NRAP: variants seen among roughly 807,000 people sequenced by gnomAD.
NRAP encodes the protein nebulin related anchoring protein.
NRAP carries 189 observed loss-of-function variants against 225.9 expected under a neutral mutation model. The observed-to-expected ratio is 0.84, with a 90% CI of 0.74 to 0.94. The LOEUF (loss-of-function observed/expected upper bound fraction) is 0.94, where lower values mean the gene tolerates loss of function less well. Among genes scored for constraint, NRAP ranks in the 40% least tolerant of loss-of-function variants. NRAP has a pLI of 0.00. For synonymous variants in NRAP, 769 were observed against 790.7 expected (o/e 0.97, Z 0.46); for missense variants, 2,176 against 2,168.7 (o/e 1.00, Z -0.07).
Position 113,597,199 on chromosome 10 carries a change from C to A in NRAP, c.4333-15G>T, listed in dbSNP as rs940565397. The stretch of plus-strand genomic sequence containing the variant: ...CGGTACTTGGTCTATAAGATAAAGA[C>A]AAAGATTCTCATGAAACACAGTCCA... On this transcript the variant is annotated splice_polypyrimidine_tract_variant and intron_variant, in intron 36 of 41. Transcript: ENST00000359988. The A allele has an allele frequency of 6.6e-7, 1 of 1,511,946 alleles. No individual in the cohort carries two copies. The highest frequency in any genetic ancestry group is 1.4e-5 in the African/African-American group (1 of 72,882). The allele number at this position is 1,511,946 out of a possible 1,614,324, so 93.7% of individuals were successfully genotyped here.
chr10:113,606,209 C>A lies in NRAP; in HGVS notation c.3776G>T (p.Arg1259Leu), dbSNP rs879000889. ...TMTLGLPEFIRAKTNAANLSD... is the reference protein window; with the variant it reads ...TMTLGLPEFILAKTNAANLSD... ...CAGGTTGGCTGCATTCGTTTTTGCT[C>A]GGATGAACTCGGGCAGACCCAGGGT... The change falls in exon 33 of 42, where the codon CGA becomes CTA. Residue 1259 changes from arginine to leucine, a missense_variant. Around this residue, in one of 3 missense-constraint regions of NRAP, gnomAD observed 1,708 missense variants for 1,695.5 expected, o/e 1.01. Transcript: ENST00000359988. The A allele has an allele frequency of 6.2e-7, 1 of 1,614,032 alleles. No individual in the cohort carries two copies. Among genetic ancestry groups the A allele is most frequent in the South Asian group, 1.1e-5 (1 of 91,070 alleles).
intron 31 of NRAP, among the ~76,000 whole-genome samples, 177 bp downstream of exon 31, chr10:113,610,282 G>A (rs532758839): frequency 3.3e-5 from 5 of 151,410 alleles, no homozygotes; most frequent in African/African-American, 4.9e-5. Flanking sequence ...CCCAGGAGAC[G>A]GAGGTTGCAG....
chr10:113,615,962 T>A, intron 26 of NRAP, 146 bp from the exon 27 acceptor site: 1 of 647,584 alleles, frequency 1.5e-6, no homozygotes, highest in Non-Finnish European at 2.9e-6. Context: ...ACCCAGATTT[T>A]ACAGCTAGCA....
chr10:113,646,058 A>G (rs1849488553), intron 10 of NRAP, 117 bp from the exon 11 acceptor site: 1 of 578,556 alleles, frequency 1.7e-6, no homozygotes, highest in African/African-American at 1.8e-5. Context: ...ATTTTCTGAA[A>G]GAAAAAAAAA....
chr10:113,623,680 AG>A (rs767188269), intron 22 of NRAP, 44 bp from the exon 23 acceptor site: 3 of 1,306,748 alleles, frequency 2.3e-6, no homozygotes, highest in East Asian at 2.3e-5. Flanking sequence ...TTCATGTGAG[AG>A]GGTTCTCACG....
chr10:113,590,037 A>C (rs1339416172), intron 40 of NRAP, among the ~76,000 whole-genome samples: 1 of 152,092 alleles, frequency 6.6e-6, no homozygotes, highest in Non-Finnish European at 1.5e-5. Flanking sequence ...CAAGTGACAA[A>C]AGTTACAGTT....
chr10:113,638,072 A>T (rs1304838878), intron 14 of NRAP, among the ~76,000 whole-genome samples: 2 of 152,270 alleles, frequency 1.3e-5, no homozygotes, highest in Non-Finnish European at 2.9e-5. Flanking sequence ...ATTAAAGTAC[A>T]GTGACTTCCT....
At chr10:113,647,233 G>A (rs546319164) in intron 9 of NRAP, among the ~76,000 whole-genome samples, 284 of 152,178 alleles carry the variant, frequency 1.9e-3, no homozygotes, top group Non-Finnish European at 3.2e-3. Context: ...CACATAGTCA[G>A]CACCAAATAA....
Position 113,662,490 on chromosome 10 carries a change from G to T in NRAP, c.255+189C>A, listed in dbSNP as rs76436716. 1.7e-4 allele frequency among the ~76,000 whole-genome samples: 26 copies of T among 152,232 alleles called. No homozygotes were observed. The East Asian group carries it at 4.8e-3, about 28-fold the overall frequency. On this transcript the variant is annotated intron_variant, in intron 3 of 41. Coordinates refer to ENST00000359988, the MANE Select transcript of NRAP (RefSeq NM_198060.4). ...AGAAATAAAGACAGGGTCTCACTATGTTGCCCAGGCTAGTCTCTAACTCCC... is the reference window on the plus strand; with the variant it reads ...AGAAATAAAGACAGGGTCTCACTATTTTGCCCAGGCTAGTCTCTAACTCCC...
At chr10:113,622,542 G>A (rs1480223763) in intron 23 of NRAP, among the ~76,000 whole-genome samples, 1 of 152,152 alleles carries the variant, frequency 6.6e-6, no homozygotes, top group Non-Finnish European at 1.5e-5. Flanking sequence ...GGGGCAAAAA[G>A]GAGCACATTG....
At position 113,647,000 on chromosome 10, in the gene NRAP, TG is replaced by T. The variant is rs1849552203; in HGVS notation, c.915del (p.His305GlnfsTer10). Reference protein sequence around the residue: ...GQGYPEEYEEHRGKGSFPAMI... With the variant: ...GQGYPEEYEEXRGKGSFPAMI... The stretch of plus-strand genomic sequence containing the variant: ...ATAGCTGGGAAGCTGCCCTTTCCCC[TG>T]TGCTCCTCATACTCCTCCGGGTAAC... On this transcript the variant is annotated frameshift_variant, in exon 10 of 42. Transcript: ENST00000359988. LOFTEE classifies it high-confidence loss of function. 3 of 1,613,894 alleles carry T rather than the reference TG, an allele frequency of 1.9e-6. No homozygotes were observed. Among genetic ancestry groups the T allele is most frequent in the Non-Finnish European group, 2.5e-6 (3 of 1,179,880 alleles).
At chr10:113,624,140 T>G (rs1848156989) in intron 22 of NRAP, among the ~76,000 whole-genome samples, 1 of 152,140 alleles carries the variant, frequency 6.6e-6, no homozygotes, top group South Asian at 2.1e-4. Context: ...GAAGCCTCCT[T>G]TCCCTTTCTG....
At position 113,608,483 on chromosome 10, in the gene NRAP, G is replaced by T; in HGVS notation, c.3633C>A (p.Phe1211Leu). The change falls in exon 32 of 42, where the codon TTC becomes TTA. Residue 1211 changes from phenylalanine to leucine, a missense_variant. Transcript: ENST00000359988. The part of the protein sequence containing the change: ...ESKYRQHPHS[F>L]KYTAVTDTPN... ...GAGTGTCTGTCACAGCTGTGTACTT[G>T]AATGAGTGGGGATGCTGCCGATATT... The T allele has an allele frequency of 6.2e-7, 1 of 1,612,966 alleles. No individual in the cohort carries two copies. The highest frequency in any genetic ancestry group is 8.5e-7 in the Non-Finnish European group (1 of 1,179,106).
Position 113,622,192 on chromosome 10 carries a change from G to A in NRAP, c.2458-12C>T, listed in dbSNP as rs778180159. 2 of 1,587,262 alleles carry A rather than the reference G, an allele frequency of 1.3e-6. No homozygotes were observed. Among genetic ancestry groups the A allele is most frequent in the Non-Finnish European group, 1.7e-6 (2 of 1,156,918 alleles). Reference sequence around the variant, plus strand: ...TCCTTGTACTTCACCTAAATAAGAGGAATAGAGCAGGGATACATTAGAACC... The same window carrying A: ...TCCTTGTACTTCACCTAAATAAGAGAAATAGAGCAGGGATACATTAGAACC... On this transcript the variant is annotated splice_polypyrimidine_tract_variant and intron_variant, in intron 23 of 41. Coordinates refer to ENST00000359988, the MANE Select transcript of NRAP (RefSeq NM_198060.4).
intron 41 of NRAP, chr10:113,589,402 C>T: frequency 1.7e-6 from 1 of 577,318 alleles, no homozygotes; most frequent in Admixed American, 3.2e-5. Context: ...CTGCCCTGGC[C>T]CGGGATTGAT....
chr10:113,619,778 C>G (rs1216556574), intron 25 of NRAP, among the ~76,000 whole-genome samples: 1 of 152,108 alleles, frequency 6.6e-6, no homozygotes, highest in Non-Finnish European at 1.5e-5. Context: ...TCAAGTCTCC[C>G]TGCAAGCAAA....
At chr10:113,619,279 A>G (rs746504197) in intron 25 of NRAP, among the ~76,000 whole-genome samples, 2 of 152,214 alleles carry the variant, frequency 1.3e-5, no homozygotes, top group African/African-American at 2.4e-5. Context: ...AGTGAGCCCA[A>G]TATTGAGAGT....
rs908614557 is a variant in NRAP at position 113,608,473 on chromosome 10, C to T, written c.3643G>A (p.Ala1215Thr). ...RQHPHSFKYTAVTDTPNLLHA... is the reference protein window; with the variant it reads ...RQHPHSFKYTTVTDTPNLLHA... The stretch of plus-strand genomic sequence containing the variant: ...AGGAGGTTGGGAGTGTCTGTCACAG[C>T]TGTGTACTTGAATGAGTGGGGATGC... The change falls in exon 32 of 42, where the codon GCT (alanine) becomes ACT (threonine). Residue 1215 changes from alanine to threonine, a missense_variant. Ala to Thr is a moderately conservative substitution (Grantham distance 58). This residue lies in a region of NRAP where 1,708 missense variants were observed against 1,695.5 expected (regional missense o/e 1.01). Transcript: ENST00000359988. The T allele has an allele frequency of 6.2e-7, 1 of 1,613,558 alleles. No homozygotes were observed. Among genetic ancestry groups the T allele is most frequent in the Non-Finnish European group, 8.5e-7 (1 of 1,179,698 alleles).
intron 9 of NRAP, among the ~76,000 whole-genome samples, chr10:113,647,240 A>G (rs564576309): frequency 6.6e-6 from 1 of 152,154 alleles, no homozygotes; most frequent in Non-Finnish European, 1.5e-5. Flanking sequence ...TCAGCACCAA[A>G]TAATGGCAAC....
Sources: gnomAD v4.1 joint callset for allele counts (sites outside exome capture counted in the v4.1 genomes callset) on GRCh38, gnomAD v4.1.1 for gene constraint, gnomAD v4.1.1 regional missense constraint, MANE v1.5 for transcripts, NCBI Gene and HGNC (gene_info 2026-07-23, HGNC 2026-07-21) for gene names.